The following SHANK2 variants were observed in gnomAD, a reference collection of about 807,000 sequenced individuals.
SHANK2 encodes the protein SH3 and multiple ankyrin repeat domains protein 2.
SHANK2 carries 43 observed loss-of-function variants against 133.7 expected under a neutral mutation model. That is an observed-to-expected ratio of 0.32 (90% confidence interval 0.25 to 0.41). The LOEUF (loss-of-function observed/expected upper bound fraction) is 0.41, where lower values mean the gene tolerates loss of function less well. SHANK2 is among the 10% of genes least tolerant of loss of function. The probability of loss-of-function intolerance (pLI) is 1.00; values close to 1 mark genes in which losing one functional copy is unlikely to be tolerated. For synonymous variants in SHANK2, 1,017 were observed against 952.8 expected, an observed-to-expected ratio of 1.07 and a Z score of -1.24; for missense variants, 1,994 against 2,235.8, an observed-to-expected ratio of 0.89 and a Z score of 2.18.
At chr11:71,133,634 G>A (rs1217544095) in intron 3 of SHANK2, among the ~76,000 whole-genome samples, 1 of 152,036 alleles carries the variant, frequency 6.6e-6, no homozygotes, top group Non-Finnish European at 1.5e-5. Flanking sequence ...TAGAGTGGAG[G>A]GGTGGTCTAG....
intron 17 of SHANK2, among the ~76,000 whole-genome samples, chr11:70,598,250 C>G (rs1214284148): frequency 6.6e-6 from 1 of 150,870 alleles, no homozygotes; most frequent in African/African-American, 2.4e-5. Flanking sequence ...ACAAGTTGGG[C>G]TGGAGAGAAG....
At chr11:70,722,449 A>C (rs1476321188) in intron 14 of SHANK2, among the ~76,000 whole-genome samples, 5 of 152,222 alleles carry the variant, frequency 3.3e-5, no homozygotes, top group African/African-American at 1.2e-4. Context: ...CCTTTCCAAC[A>C]GTTTTGGAAA....
chr11:70,940,478 C>T (rs1226593727), intron 10 of SHANK2, among the ~76,000 whole-genome samples: 2 of 151,804 alleles, frequency 1.3e-5, no homozygotes, highest in Non-Finnish European at 2.9e-5. Context: ...TGGTCTTGAA[C>T]TCTTAACCTC....
intron 14 of SHANK2, among the ~76,000 whole-genome samples, chr11:70,716,888 T>C: frequency 8.6e-6 from 1 of 115,880 alleles, no homozygotes; most frequent in African/African-American, 3.7e-5. Context: ...CTGGACCGGG[T>C]CCCGGAGCCC....
intron 14 of SHANK2, among the ~76,000 whole-genome samples, chr11:70,743,479 A>G (rs1946576169): frequency 6.6e-6 from 1 of 152,156 alleles, no homozygotes; most frequent in African/African-American, 2.4e-5. Flanking sequence ...GCTGAGAAAC[A>G]CTTCTGTTGT....
intron 15 of SHANK2, among the ~76,000 whole-genome samples, chr11:70,677,702 G>A (rs889311906): frequency 8.5e-5 from 13 of 152,250 alleles, no homozygotes; most frequent in South Asian, 4.2e-4. Context: ...AACACAGCAC[G>A]TCCCACCAGA....
At chr11:71,131,124 C>T (rs1952296502) in intron 3 of SHANK2, among the ~76,000 whole-genome samples, 1 of 152,254 alleles carries the variant, frequency 6.6e-6, no homozygotes, top group South Asian at 2.1e-4. Flanking sequence ...TGTACTTGCA[C>T]ACCTCCAACA....
At chr11:71,075,618 C>G (rs1590886497) in intron 8 of SHANK2, among the ~76,000 whole-genome samples, 1 of 152,212 alleles carries the variant, frequency 6.6e-6, no homozygotes, top group African/African-American at 2.4e-5. Flanking sequence ...CTCCCATCCT[C>G]AGTGCCCAGC....
At chr11:70,611,529 C>G (rs1373205592) in intron 17 of SHANK2, among the ~76,000 whole-genome samples, 1 of 152,258 alleles carries the variant, frequency 6.6e-6, no homozygotes, top group Non-Finnish European at 1.5e-5. Context: ...ACTGCCTCAC[C>G]TCTGGGCTGT....
chr11:70,570,829 G>A (rs1048007035), intron 17 of SHANK2: 2 of 152,260 alleles, frequency 1.3e-5, no homozygotes, highest in African/African-American at 2.4e-5. Flanking sequence ...TGAGCTCCCT[G>A]TGGAGCTATG....
chr11:70,866,296 C>T (rs917762397), intron 11 of SHANK2, among the ~76,000 whole-genome samples: 3 of 152,040 alleles, frequency 2.0e-5, no homozygotes, highest in Admixed American at 6.5e-5. Flanking sequence ...TCGCACCCCG[C>T]GGCACCAAAT....
intron 14 of SHANK2, among the ~76,000 whole-genome samples, chr11:70,750,787 A>T (rs1946736715): frequency 6.6e-6 from 1 of 152,208 alleles, no homozygotes; most frequent in Admixed American, 6.5e-5. Flanking sequence ...GTGTCTGTGC[A>T]TACGTGGGAC....
At chr11:70,593,920 C>T (rs551059814) in intron 17 of SHANK2, among the ~76,000 whole-genome samples, 5 of 152,190 alleles carry the variant, frequency 3.3e-5, no homozygotes, top group East Asian at 1.9e-4. Flanking sequence ...GTGACTGATG[C>T]ACATGTGGGA....
intron 1 of SHANK2, among the ~76,000 whole-genome samples, chr11:71,242,893 C>T (rs1210397834): frequency 6.6e-6 from 1 of 152,186 alleles, no homozygotes; most frequent in Non-Finnish European, 1.5e-5. Context: ...TCTCCAACCA[C>T]AATAGAATGA....
At chr11:70,492,028 A>G (rs777741677) in intron 22 of SHANK2, among the ~76,000 whole-genome samples, 1 of 152,208 alleles carries the variant, frequency 6.6e-6, no homozygotes, top group African/African-American at 2.4e-5. Flanking sequence ...CTCTGTCTGA[A>G]GAGTGTGTCA....
At chr11:71,201,287 G>A (rs782733898) in intron 2 of SHANK2, among the ~76,000 whole-genome samples, 18 of 152,210 alleles carry the variant, frequency 1.2e-4, no homozygotes, top group African/African-American at 3.6e-4. Flanking sequence ...TCTCGGCCAC[G>A]AGAAGCACCT....
intron 11 of SHANK2, among the ~76,000 whole-genome samples, chr11:70,837,259 C>T (rs576939630): frequency 4.5e-4 from 68 of 152,322 alleles, no homozygotes; most frequent in Non-Finnish European, 5.1e-4. Context: ...AGGGGACTTA[C>T]GCCATTGTCT....
At chr11:70,567,519 C>A (rs974128351) in intron 17 of SHANK2, among the ~76,000 whole-genome samples, 4 of 151,814 alleles carry the variant, frequency 2.6e-5, no homozygotes, top group African/African-American at 9.7e-5. Context: ...CCCAGATACT[C>A]GGGAGGCTGA....
chr11:70,493,387 A>G (rs2058925139), intron 21 of SHANK2, among the ~76,000 whole-genome samples: 3 of 151,212 alleles, frequency 2.0e-5, no homozygotes, highest in Admixed American at 1.3e-4. Flanking sequence ...AAAAAAAAAA[A>G]AAAAGAAAAC....
Sources: allele counts gnomAD v4.1 joint callset (sites outside exome capture counted in the v4.1 genomes callset), GRCh38; gene constraint gnomAD v4.1.1; transcripts MANE v1.5; gene names NCBI Gene and HGNC (gene_info 2026-07-23, HGNC 2026-07-21).